STPG2: variants seen among roughly 807,000 people sequenced by gnomAD.
The protein encoded by STPG2 is sperm tail PG-rich repeat containing 2.
STPG2 carries 56 observed loss-of-function variants against 54.2 expected under a neutral mutation model. That is an observed-to-expected ratio of 1.03 (90% CI 0.83 to 1.29). STPG2 has a LOEUF of 1.29. Ranked by LOEUF, STPG2 falls within the 50% of genes most tolerant of loss-of-function variation. The probability of loss-of-function intolerance (pLI) is 0.00; values close to 1 mark genes in which losing one functional copy is unlikely to be tolerated. For missense variants in STPG2, 596 were observed against 544.9 expected (o/e 1.09, Z -0.93); for synonymous variants, 200 against 181.8 (o/e 1.10, Z -0.81).
intron 8 of STPG2, among the ~76,000 whole-genome samples, chr4:97,895,223 G>T (rs1730913912): frequency 6.6e-6 from 1 of 151,522 alleles, no homozygotes; most frequent in Admixed American, 6.6e-5. Flanking sequence ...AGGGCTTGTT[G>T]CTAAGATATT....
In STPG2 at chr4:97,664,164, T is replaced by C. The variant is rs563648524; in HGVS notation, c.1320+48535A>G. Among the ~76,000 whole-genome samples the C allele has an allele frequency of 4.1e-4, 63 of 152,334 alleles. No individual in the cohort carries two copies. In the South Asian group the frequency reaches 7.0e-3, roughly 17 times the overall value. ...TTTTCCAAGTGTTTTCTATCCTTTA[T>C]CTCATTTAATCTTCACAAAACCCCA... On this transcript the variant is annotated intron_variant, in intron 10 of 10. Transcript: ENST00000295268.
At chr4:98,082,431 C>T (rs1362520011) in intron 5 of STPG2, among the ~76,000 whole-genome samples, 1 of 128,268 alleles carries the variant, frequency 7.8e-6, no homozygotes, top group Non-Finnish European at 1.6e-5. Flanking sequence ...TGTGCAGGTC[C>T]ACTTTTTTTT....
chr4:97,798,457 G>A (rs1727276759), intron 9 of STPG2, among the ~76,000 whole-genome samples: 1 of 152,184 alleles, frequency 6.6e-6, no homozygotes, highest in Non-Finnish European at 1.5e-5. Flanking sequence ...AGTCATTCAG[G>A]AGCAGGTTGT....
At chr4:97,991,033 A>C (rs28618180) in intron 5 of STPG2, among the ~76,000 whole-genome samples, 59,483 of 151,652 alleles carry the variant, frequency 0.39, 11,805 homozygotes, top group Middle Eastern at 0.46. Flanking sequence ...TGTACACTGT[A>C]CCCAAAGTGT....
intron 10 of STPG2, among the ~76,000 whole-genome samples, chr4:97,675,961 A>G (rs1052036727): frequency 1.4e-5 from 2 of 146,444 alleles, no homozygotes; most frequent in Admixed American, 6.9e-5. Flanking sequence ...TATATAGTAT[A>G]CTATATATAG....
chr4:97,798,459 G>A (rs77291062), intron 9 of STPG2, among the ~76,000 whole-genome samples: 1 of 152,134 alleles, frequency 6.6e-6, no homozygotes, highest in Non-Finnish European at 1.5e-5. Context: ...TCATTCAGGA[G>A]CAGGTTGTTC....
intron 5 of STPG2, among the ~76,000 whole-genome samples, chr4:97,984,192 T>C (rs1734761669): frequency 1.3e-5 from 2 of 152,212 alleles, no homozygotes; most frequent in African/African-American, 4.8e-5. Context: ...AGAGTCTCAT[T>C]CCATCACACA....
intron 9 of STPG2, among the ~76,000 whole-genome samples, chr4:97,775,121 C>A (rs980906746): frequency 6.6e-6 from 1 of 151,838 alleles, no homozygotes; most frequent in South Asian, 2.1e-4. Context: ...ATAAAAAGGG[C>A]GCATAAATAG....
intron 4 of STPG2, among the ~76,000 whole-genome samples, chr4:97,456,576 G>A (rs541450725): frequency 6.6e-6 from 1 of 152,100 alleles, no homozygotes; most frequent in Non-Finnish European, 1.5e-5. Context: ...AATATACAAA[G>A]AAGTCTTAAA....
intron 8 of STPG2, among the ~76,000 whole-genome samples, chr4:97,849,016 GT>G (rs1319427410): frequency 6.6e-6 from 1 of 150,990 alleles, no homozygotes; most frequent in Non-Finnish European, 1.5e-5. Flanking sequence ...CTTTAAAGTA[GT>G]TTTTCCCAAT....
Position 97,837,823 on chromosome 4 carries a change from T to C in STPG2, c.1204+2950A>G, listed in dbSNP as rs1402541663. ...AAATACATGGCTATAACATGAGTTA[T>C]TGAATGTCTTATAAGTTCCATAAAT... is the stretch of plus-strand genomic sequence containing the variant. On this transcript the variant is annotated intron_variant, in intron 9 of 10. Transcript: ENST00000295268. Among the ~76,000 whole-genome samples, 4 of 151,806 alleles carry C rather than the reference T, an allele frequency of 2.6e-5. No homozygotes were observed. The East Asian group carries it at 7.7e-4, about 29-fold the overall frequency.
intron 5 of STPG2, among the ~76,000 whole-genome samples, chr4:97,990,140 T>C (rs1054791770): frequency 1.3e-5 from 2 of 152,214 alleles, no homozygotes; most frequent in African/African-American, 4.8e-5. Flanking sequence ...TTAAGAAGAA[T>C]TTTTTGCATA....
intron 5 of STPG2, among the ~76,000 whole-genome samples, chr4:98,006,254 T>G (rs1367806316): frequency 6.6e-6 from 1 of 152,072 alleles, no homozygotes; most frequent in African/African-American, 2.4e-5. Flanking sequence ...GTGAGTAAAG[T>G]TCCAAAGAGG....
intron 3 of STPG2, among the ~76,000 whole-genome samples, chr4:98,125,237 T>G (rs765883191): frequency 1.3e-5 from 2 of 152,192 alleles, no homozygotes; most frequent in Non-Finnish European, 2.9e-5. Flanking sequence ...TTGCAATCAT[T>G]TGGAGGAGAA....
intron 10 of STPG2, among the ~76,000 whole-genome samples, chr4:97,645,385 G>A (rs745777010): frequency 5.9e-5 from 9 of 151,820 alleles, no homozygotes; most frequent in Non-Finnish European, 1.3e-4. Flanking sequence ...AGGACGTGAA[G>A]CTGGAATTTT....
intron 4 of STPG2, among the ~76,000 whole-genome samples, chr4:97,491,077 G>T (rs1157845198): frequency 6.6e-6 from 1 of 151,140 alleles, no homozygotes; most frequent in Non-Finnish European, 1.5e-5. Flanking sequence ...TCTAACTCTG[G>T]TGAGGTGTTA....
chr4:97,860,152 C>T (rs1578630483), intron 8 of STPG2, among the ~76,000 whole-genome samples: 1 of 152,096 alleles, frequency 6.6e-6, no homozygotes, highest in African/African-American at 2.4e-5. Context: ...ATTTAAAGTT[C>T]GGTAATGTGA....
intron 8 of STPG2, among the ~76,000 whole-genome samples, chr4:97,941,513 A>AT (rs755713337): frequency 1.3e-5 from 2 of 151,924 alleles, no homozygotes; most frequent in African/African-American, 2.4e-5. Flanking sequence ...TGCTTATGTC[A>AT]TGGTTTTTTT....
intron 1 of STPG2, 65 bp from the exon 2 acceptor site, chr4:98,134,524 C>T: frequency 2.2e-6 from 2 of 893,652 alleles, no homozygotes; most frequent in Non-Finnish European, 1.7e-6. Flanking sequence ...GAGAAAAACG[C>T]TCAAAATATA....
Sources: allele counts gnomAD v4.1 joint callset (sites outside exome capture counted in the v4.1 genomes callset), GRCh38; gene constraint gnomAD v4.1.1; transcripts MANE v1.5; gene names NCBI Gene and HGNC (gene_info 2026-07-23, HGNC 2026-07-21).